Variants in RBFOX1 observed in about 807,000 individuals in gnomAD.
RBFOX1 encodes the protein RNA binding protein fox-1 homolog 1.
RBFOX1 carries 8 observed loss-of-function variants against 57.7 expected under a neutral mutation model. That is an observed-to-expected ratio of 0.14 (90% confidence interval 0.08 to 0.25). The LOEUF (loss-of-function observed/expected upper bound fraction) is 0.25. Ranked by LOEUF, RBFOX1 falls within the 10% of genes least tolerant of loss-of-function variation. The probability of loss-of-function intolerance (pLI) is 1.00; values close to 1 mark genes in which losing one functional copy is unlikely to be tolerated. For missense variants in RBFOX1, 611 were observed against 548.5 expected, an observed-to-expected ratio of 1.11 and a Z score of -1.14; for synonymous variants, 326 against 222.4, an observed-to-expected ratio of 1.47 and a Z score of -4.15.
chr16:5,423,271 C>T (rs1380327587), intron 1 of RBFOX1, among the ~76,000 whole-genome samples: 3 of 152,066 alleles, frequency 2.0e-5, no homozygotes, highest in Non-Finnish European at 2.9e-5. Flanking sequence ...AGGAAAGTGA[C>T]ATTGGTGCCA....
At position 5,289,571 on chromosome 16, in the gene RBFOX1, C is replaced by G. The variant is rs1461716626; in HGVS notation, c.219+49466C>G. On this transcript the variant is annotated intron_variant, in intron 1 of 2. Coordinates refer to the RBFOX1 transcript ENST00000585867. ...GGTATTATTCCAATTACCTTCACTT[C>G]TTTTGTTTTACTTTTTAAAACGTGG... is the stretch of plus-strand genomic sequence containing the variant. 3.3e-5 allele frequency among the ~76,000 whole-genome samples: 5 copies of G among 152,212 alleles called. 1 individual carries two copies. The highest frequency in any genetic ancestry group is 1.3e-4 in the Admixed American group (2 of 15,280).
intron 3 of RBFOX1, among the ~76,000 whole-genome samples, chr16:6,760,852 G>A (rs1048199589): frequency 5.3e-5 from 8 of 152,092 alleles, no homozygotes; most frequent in African/African-American, 9.7e-5. Context: ...AGGGAGTGGC[G>A]CTGCCTCTGG....
At chr16:6,450,837 G>GTATATATATATACATATATATA (rs1555480732) in intron 2 of RBFOX1, among the ~76,000 whole-genome samples, 1 of 21,732 alleles carries the variant, frequency 4.6e-5, no homozygotes. Context: ...ATATATATAT[G>GTATATATATATACATATATATA]TGTATATATA....
At chr16:5,841,292 A>T (rs1237110102) in intron 3 of RBFOX1, among the ~76,000 whole-genome samples, 1 of 152,208 alleles carries the variant, frequency 6.6e-6, no homozygotes, top group Non-Finnish European at 1.5e-5. Flanking sequence ...CAGAGCCAGG[A>T]TTTGAACCCA....
chr16:5,835,082 G>C (rs934962011), intron 3 of RBFOX1, among the ~76,000 whole-genome samples: 9 of 152,160 alleles, frequency 5.9e-5, no homozygotes. Context: ...GAAAGGAGGT[G>C]GGATGGCTCA....
chr16:7,280,075 G>C (rs1308020455), intron 4 of RBFOX1, among the ~76,000 whole-genome samples: 2 of 152,238 alleles, frequency 1.3e-5, no homozygotes, highest in Non-Finnish European at 2.9e-5. Context: ...AAAACAGATT[G>C]TGCCTGCTAT....
chr16:7,469,241 C>G (rs1378009826), intron 4 of RBFOX1, among the ~76,000 whole-genome samples: 1 of 150,142 alleles, frequency 6.7e-6, no homozygotes, highest in East Asian at 2.0e-4. Flanking sequence ...TTTTTTAATT[C>G]TTAGTAGAGA....
At chr16:7,593,219 G>T (rs989168375) in intron 7 of RBFOX1, among the ~76,000 whole-genome samples, 6 of 152,150 alleles carry the variant, frequency 3.9e-5, no homozygotes, top group Non-Finnish European at 7.3e-5. Flanking sequence ...CTGGACTCCA[G>T]TCTGGGATTC....
intron 3 of RBFOX1, among the ~76,000 whole-genome samples, chr16:6,941,201 TATTCCCTTC>T (rs2078387358): frequency 6.6e-6 from 1 of 150,962 alleles, no homozygotes; most frequent in African/African-American, 2.4e-5. Context: ...CATATATATA[TATTCCCTTC>T]CTTCCCTCCC....
Position 7,497,867 on chromosome 16 carries a change from G to C in RBFOX1, c.28-20280G>C, listed in dbSNP as rs142906909. ...GAGCCCTTCTCTGACCTCACACACA[G>C]CGAATGTCTGAGCTCTGTAGGCTAT... On this transcript the variant is annotated intron_variant, in intron 4 of 15. Transcript: ENST00000550418. Among the ~76,000 whole-genome samples, 1,087 of 152,300 alleles carry C rather than the reference G, an allele frequency of 7.1e-3. 14 individuals are homozygous for C. The highest frequency in any genetic ancestry group is 0.025 in the African/African-American group (1,028 of 41,568).
At chr16:6,906,731 T>C (rs1021139506) in intron 3 of RBFOX1, among the ~76,000 whole-genome samples, 10 of 151,586 alleles carry the variant, frequency 6.6e-5, no homozygotes, top group Non-Finnish European at 1.0e-4. Flanking sequence ...ACTATTTTTT[T>C]TTTTTTTTTG....
At chr16:6,654,057 G>C (rs530567371) in intron 2 of RBFOX1, among the ~76,000 whole-genome samples, 3 of 151,244 alleles carry the variant, frequency 2.0e-5, no homozygotes, top group African/African-American at 7.3e-5. Flanking sequence ...GATGGATAGG[G>C]GAAGGATGCA....
intron 6 of RBFOX1, among the ~76,000 whole-genome samples, chr16:7,585,666 C>A (rs2152881875): frequency 6.6e-6 from 1 of 152,280 alleles, no homozygotes; most frequent in Admixed American, 6.5e-5. Flanking sequence ...ATTTTTATTT[C>A]AAGATTGGGC....
chr16:5,709,460 A>G (rs190068700), intron 3 of RBFOX1, among the ~76,000 whole-genome samples: 115 of 152,172 alleles, frequency 7.6e-4, no homozygotes, highest in Middle Eastern at 3.4e-3. Context: ...ATGTTTTATC[A>G]TTCATTTCCT....
intron 1 of RBFOX1, among the ~76,000 whole-genome samples, chr16:6,305,121 C>T (rs951937578): frequency 6.6e-6 from 1 of 152,184 alleles, no homozygotes; most frequent in Non-Finnish European, 1.5e-5. Flanking sequence ...CAATCAGTGT[C>T]TTTCTCGGGT....
chr16:5,394,909 A>T (rs2066508179), intron 1 of RBFOX1, among the ~76,000 whole-genome samples: 1 of 152,138 alleles, frequency 6.6e-6, no homozygotes, highest in Non-Finnish European at 1.5e-5. Context: ...CTGAAGTGGT[A>T]ACATCCTCAC....
intron 2 of RBFOX1, among the ~76,000 whole-genome samples, chr16:5,551,085 T>G (rs56257949): frequency 0.28 from 43,031 of 152,098 alleles, 6,778 homozygotes; most frequent in Non-Finnish European, 0.35. Context: ...TGGTTCTTAC[T>G]TGCTGGGAGG....
intron 3 of RBFOX1, among the ~76,000 whole-genome samples, chr16:6,712,039 G>A (rs528328621): frequency 7.2e-4 from 109 of 152,144 alleles, no homozygotes; most frequent in African/African-American, 2.4e-3. Flanking sequence ...TATACTATAT[G>A]GTAAAGTCCA....
At chr16:6,823,190 C>G (rs180772623) in intron 3 of RBFOX1, among the ~76,000 whole-genome samples, 1 of 152,110 alleles carries the variant, frequency 6.6e-6, no homozygotes, top group Admixed American at 6.5e-5. Context: ...TGTGTTCCTT[C>G]TTAAGCATTA....
Sources: gnomAD v4.1 joint callset for allele counts (sites outside exome capture counted in the v4.1 genomes callset) on GRCh38, gnomAD v4.1.1 for gene constraint, MANE v1.5 for transcripts, NCBI Gene and HGNC (gene_info 2026-07-23, HGNC 2026-07-21) for gene names.